The following NKD2 variants were observed in gnomAD, a reference collection of about 807,000 sequenced individuals.
The protein encoded by NKD2 is protein naked cuticle homolog 2.
A neutral mutation model predicts 34.8 loss-of-function variants in NKD2; 43 were observed. The observed-to-expected ratio is 1.24, with a 90% confidence interval of 0.97 to 1.60. The LOEUF is 1.60. NKD2 is among the 40% of genes most tolerant of loss of function. The probability of loss-of-function intolerance (pLI) is 0.00; values close to 1 mark genes in which losing one functional copy is unlikely to be tolerated. For missense variants in NKD2, 675 were observed against 627.1 expected, an observed-to-expected ratio of 1.08 and a Z score of -0.82; for synonymous variants, 278 against 265.1, an observed-to-expected ratio of 1.05 and a Z score of -0.47.
At chr5:1,020,172 A>G (rs1485516028) in intron 3 of NKD2, among the ~76,000 whole-genome samples, 2 of 152,212 alleles carry the variant, frequency 1.3e-5, no homozygotes, top group African/African-American at 4.8e-5. Context: ...ATGGTTGTCT[A>G]ACATTCAGTG....
chr5:1,036,633 A>G (rs1232344862), intron 9 of NKD2: 15 of 618,090 alleles, frequency 2.4e-5, no homozygotes, highest in Non-Finnish European at 4.5e-5. Flanking sequence ...AGGTGTGTGT[A>G]TGTGGCGGAT....
chr5:1,026,330 T>C (rs1382018238), intron 3 of NKD2, among the ~76,000 whole-genome samples: 153 of 33,818 alleles, frequency 4.5e-3, no homozygotes, highest in East Asian at 8.3e-3. Flanking sequence ...TGTGGGCGTC[T>C]CGGTCCATTG....
chr5:1,019,455 C>G (rs1756088655), intron 3 of NKD2, among the ~76,000 whole-genome samples: 1 of 152,244 alleles, frequency 6.6e-6, no homozygotes, highest in Admixed American at 6.5e-5. Context: ...CTAGAGCCCT[C>G]TGCAGCCTCG....
chr5:1,021,680 G>A lies in NKD2; in HGVS notation c.142-10472G>A, dbSNP rs145690254. Reference sequence around the variant, plus strand: ...GGGGTTTCCAGACAGGCGCGCTGGCGGATCACCTTGAAGTCAAATTCCATC... The same window carrying A: ...GGGGTTTCCAGACAGGCGCGCTGGCAGATCACCTTGAAGTCAAATTCCATC... On this transcript the variant is annotated intron_variant, in intron 3 of 9. Coordinates refer to ENST00000296849, the MANE Select transcript of NKD2 (RefSeq NM_033120.4). 4.3e-4 allele frequency among the ~76,000 whole-genome samples: 66 copies of A among 151,916 alleles called. No individual in the cohort carries two copies. The East Asian group carries it at 8.2e-3, about 19-fold the overall frequency.
intron 3 of NKD2, among the ~76,000 whole-genome samples, chr5:1,031,095 G>A (rs536467101): frequency 6.6e-6 from 1 of 152,234 alleles, no homozygotes; most frequent in East Asian, 1.9e-4. Flanking sequence ...CGCTTGGGGG[G>A]GTCCAGGTGC....
chr5:1,036,648 G>C (rs983509498), intron 9 of NKD2: 1 of 613,314 alleles, frequency 1.6e-6, no homozygotes, highest in African/African-American at 1.8e-5. Flanking sequence ...GCGGATGCGG[G>C]GGTGCCTGGT....
chr5:1,026,817 C>T (rs1358141004), intron 3 of NKD2, among the ~76,000 whole-genome samples: 1 of 152,262 alleles, frequency 6.6e-6, no homozygotes, highest in African/African-American at 2.4e-5. Flanking sequence ...TTGGTCCTGC[C>T]CAGCCGCATC....
chr5:1,023,908 C>T (rs369778630), intron 3 of NKD2, among the ~76,000 whole-genome samples: 1 of 4,812 alleles, frequency 2.1e-4, no homozygotes, highest in African/African-American at 2.2e-4. Flanking sequence ...TGTGGGCGTC[C>T]CAGCCCATTG....
intron 4 of NKD2, 122 bp from the exon 5 acceptor site, chr5:1,033,250 A>G: frequency 1.0e-6 from 1 of 970,758 alleles, no homozygotes; most frequent in Non-Finnish European, 1.5e-6. Context: ...TCGGGCTCTC[A>G]GCTCAGGCCC....
chr5:1,020,631 G>A (rs550024496), intron 3 of NKD2, among the ~76,000 whole-genome samples: 2 of 150,824 alleles, frequency 1.3e-5, no homozygotes, highest in African/African-American at 4.9e-5. Context: ...CGGCTGCCTG[G>A]TCAAAAAGCC....
At chr5:1,034,040 G>C in intron 5 of NKD2, 195 bp from the exon 6 acceptor site, 1 of 594,592 alleles carries the variant, frequency 1.7e-6, no homozygotes, top group East Asian at 2.8e-5. Context: ...GTCCCCCCAA[G>C]AAGGGCTGGA....
At position 1,038,486 on chromosome 5, in the gene NKD2, C is replaced by G; in HGVS notation, c.*113C>G. ...TGGGGAGCCCAGCCCCCACCCCCCA[C>G]CTCCGACAGCAAACAGCAACTGACT... On this transcript the variant is annotated 3_prime_UTR_variant, in exon 10 of 10. Coordinates refer to ENST00000296849, the MANE Select transcript of NKD2 (RefSeq NM_033120.4). This position sits in a 1 kb window ranked among gnomAD's most constrained non-coding sequence, Gnocchi z 4.5. 5.2e-6 allele frequency: 8 copies of G among 1,531,116 alleles called. No homozygotes were observed. The highest frequency in any genetic ancestry group is 7.0e-6 in the Non-Finnish European group (8 of 1,143,082). The allele number at this position is 1,531,116 out of a possible 1,614,324, so 94.8% of individuals were successfully genotyped here. A position where few individuals can be genotyped will look rare whatever the true frequency, so the allele number is the denominator to read the frequency against.
chr5:1,034,674 G>C, intron 6 of NKD2, 82 bp from the exon 7 acceptor site: 2 of 1,409,464 alleles, frequency 1.4e-6, no homozygotes, highest in Non-Finnish European at 2.0e-6. Context: ...AAGGGGCGGG[G>C]GCTGGATGTG....
chr5:1,035,104 G>C (rs1733798701), intron 7 of NKD2, among the ~76,000 whole-genome samples: 1 of 151,042 alleles, frequency 6.6e-6, no homozygotes, highest in South Asian at 2.1e-4. Flanking sequence ...GAATGAACAA[G>C]TGAGTGAGTT....
chr5:1,017,751 G>GCAGCC (rs1160956792), intron 3 of NKD2, among the ~76,000 whole-genome samples: 3 of 152,248 alleles, frequency 2.0e-5, no homozygotes, highest in Non-Finnish European at 4.4e-5. Context: ...CTGCTGGAAG[G>GCAGCC]CAGGCCTGGA....
rs778918767 is a variant in NKD2 at position 1,038,077 on chromosome 5, A to G, written c.1060A>G (p.Ser354Gly). 2.5e-6 allele frequency: 4 copies of G among 1,608,516 alleles called. No homozygotes were observed. The South Asian group carries it at 4.4e-5, about 18-fold the overall frequency. Residue 354 changes from serine (S) to glycine (G), a missense_variant, in exon 10 of 10, where the codon AGC (serine) becomes GGC (glycine). By Grantham distance (56) the Ser-to-Gly change is moderately conservative (BLOSUM62 0). Coordinates refer to ENST00000296849, the MANE Select transcript of NKD2 (RefSeq NM_033120.4). The surrounding 1 kb of genome is among the most constrained non-coding windows in gnomAD (Gnocchi z 4.5). ...CAGCAGCAAGTCCGGGAAAGCCTTC[A>G]GCTACTACCTGCCGGCCGTCCTGCC... ...PASSKSGKAF[S>G]YYLPAVLPPQ...
intron 3 of NKD2, among the ~76,000 whole-genome samples, chr5:1,022,271 A>T (rs200004063): frequency 3.5e-4 from 24 of 68,904 alleles, no homozygotes; most frequent in East Asian, 1.0e-3. Context: ...GTCTCAGCCC[A>T]TTGTCCCTGC....
At chr5:1,017,732 G>A (rs1038076383) in intron 3 of NKD2, among the ~76,000 whole-genome samples, 2 of 152,236 alleles carry the variant, frequency 1.3e-5, no homozygotes, top group South Asian at 2.1e-4. Context: ...TGGGAGAACC[G>A]GACAGTGGCT....
At chr5:1,021,550 C>T (rs934587569) in intron 3 of NKD2, among the ~76,000 whole-genome samples, 4 of 151,706 alleles carry the variant, frequency 2.6e-5, no homozygotes, top group African/African-American at 4.8e-5. Flanking sequence ...CCTTTCTGGG[C>T]CCCAGCTGCA....
Sources: allele counts gnomAD v4.1 joint callset (sites outside exome capture counted in the v4.1 genomes callset), GRCh38; gene constraint gnomAD v4.1.1; non-coding constraint Gnocchi (gnomAD v3.1); transcripts MANE v1.5; gene names NCBI Gene and HGNC (gene_info 2026-07-23, HGNC 2026-07-21).